RAPGEF2: variants seen among roughly 807,000 people sequenced by gnomAD.
RAPGEF2 encodes the protein PDZ domain containing guanine nucleotide exchange factor (GEF) 1.
In RAPGEF2, 54 loss-of-function variants were observed where a neutral mutation model predicts 186.7. The ratio of observed to expected loss-of-function variants is 0.29; its 90% CI spans 0.23 to 0.36. The LOEUF is 0.36. Ranked by LOEUF, RAPGEF2 falls within the 10% of genes least tolerant of loss-of-function variation. The pLI is 1.00. For missense variants in RAPGEF2, 1,532 were observed against 2,045.0 expected (o/e 0.75, Z 4.84); for synonymous variants, 712 against 705.9 (o/e 1.01, Z -0.14).
At chr4:159,202,184 T>A (rs1749493843) in intron 3 of RAPGEF2, among the ~76,000 whole-genome samples, 1 of 152,174 alleles carries the variant, frequency 6.6e-6, no homozygotes, top group African/African-American at 2.4e-5. Context: ...TCTGTTTTAA[T>A]GACCTTGTTA....
At chr4:159,330,271 G>GTA in intron 12 of RAPGEF2, 63 bp from the exon 13 acceptor site, 1 of 745,582 alleles carries the variant, frequency 1.3e-6, no homozygotes, top group South Asian at 1.8e-5. Flanking sequence ...GTATATGTGT[G>GTA]TGTGTGTGTG....
At position 159,314,685 on chromosome 4, in the gene RAPGEF2, G is replaced by A; in HGVS notation, c.770G>A (p.Arg257Lys). 6.2e-7 allele frequency: 1 copy of A among 1,614,062 alleles called. No homozygotes were observed. The highest frequency in any genetic ancestry group is 1.1e-5 in the South Asian group (1 of 91,078). The change falls in exon 9 of 30, where the codon AGA (arginine) becomes AAA (lysine). Residue 257 changes from arginine to lysine, a missense_variant. Coordinates refer to ENST00000691494, the MANE Select transcript of RAPGEF2 (RefSeq NM_001394067.2). ...EDDDDEEDIE[R>K]ASDPLMSRDI... ...GACGACGATGAAGAAGACATTGAGA[G>A]AGCATCAGATCCTCTGATGAGCAGG...
At chr4:159,318,647 T>G (rs1764884746) in intron 9 of RAPGEF2, among the ~76,000 whole-genome samples, 1 of 152,214 alleles carries the variant, frequency 6.6e-6, no homozygotes, top group Non-Finnish European at 1.5e-5. Flanking sequence ...CTCATAACTT[T>G]GTAGGTACTC....
intron 29 of RAPGEF2, among the ~76,000 whole-genome samples, chr4:159,357,334 C>T (rs984324478): frequency 6.6e-6 from 1 of 152,078 alleles, no homozygotes; most frequent in Non-Finnish European, 1.5e-5. Flanking sequence ...GCACCGTAGC[C>T]TAGGTAGCAG....
chr4:159,315,477 A>G (rs752661625), intron 9 of RAPGEF2, among the ~76,000 whole-genome samples: 1 of 152,130 alleles, frequency 6.6e-6, no homozygotes, highest in African/African-American at 2.4e-5. Context: ...TGCAGAGACG[A>G]GAGAGTGTAG....
In RAPGEF2 at chr4:159,238,831, A is replaced by G; in HGVS notation, c.304A>G (p.Ser102Gly). The G allele has an allele frequency of 6.6e-7, 1 of 1,524,640 alleles. No individual in the cohort carries two copies. Among genetic ancestry groups the G allele is most frequent in the Non-Finnish European group, 8.7e-7 (1 of 1,143,522 alleles). 94.4% of individuals were successfully genotyped at this position (1,524,640 alleles called of 1,614,324 possible). ...TAGTTTTGGCAAGCGTTCTGCAGGA[A>G]GTTTTAGGCGTGGCTGTGAATGCAT... ...RSSFGKRSAG[S>G]FRRGCECIVL... The change falls in exon 5 of 30, where the codon AGT becomes GGT. Residue 102 changes from serine (S) to glycine (G), a missense_variant. Physicochemically the swap from Ser to Gly is moderately conservative, Grantham distance 56. This residue lies in a region of RAPGEF2 where 810 missense variants were observed against 1,210.5 expected (regional missense o/e 0.67). Coordinates refer to ENST00000691494, the MANE Select transcript of RAPGEF2 (RefSeq NM_001394067.2).
At chr4:159,345,597 C>A (rs1264169973) in intron 24 of RAPGEF2, among the ~76,000 whole-genome samples, 2 of 152,182 alleles carry the variant, frequency 1.3e-5, no homozygotes, top group Non-Finnish European at 2.9e-5. Context: ...TGGACACAAC[C>A]AGTACACATG....
At chr4:159,267,335 G>T in intron 7 of RAPGEF2, 1 of 1,288,386 alleles carries the variant, frequency 7.8e-7, no homozygotes, top group Non-Finnish European at 1.0e-6. Flanking sequence ...TAATTATATT[G>T]GTGTATTGCA....
chr4:159,194,713 C>G (rs769565613), intron 3 of RAPGEF2, among the ~76,000 whole-genome samples: 2 of 151,786 alleles, frequency 1.3e-5, no homozygotes, highest in Non-Finnish European at 2.9e-5. Context: ...TTATTTGAAT[C>G]AAAATCTAAA....
intron 7 of RAPGEF2, among the ~76,000 whole-genome samples, chr4:159,246,295 A>G (rs1754624806): frequency 6.6e-6 from 1 of 152,166 alleles, no homozygotes; most frequent in Non-Finnish European, 1.5e-5. Context: ...TGTAAATTGA[A>G]TGCCATATAA....
At chr4:159,330,301 A>G (rs370631228) in intron 12 of RAPGEF2, 33 bp from the exon 13 acceptor site, 9,580 of 767,786 alleles carry the variant, frequency 0.012, 13 homozygotes, top group African/African-American at 0.019. Flanking sequence ...GTGTGTATAT[A>G]TATGTAGTAA....
intron 4 of RAPGEF2, among the ~76,000 whole-genome samples, chr4:159,221,678 G>A (rs1305795726): frequency 6.6e-6 from 1 of 152,156 alleles, no homozygotes; most frequent in African/African-American, 2.4e-5. Flanking sequence ...TGCATTAATT[G>A]CCTATGCTTA....
chr4:159,132,288 C>T (rs1741198667), intron 1 of RAPGEF2, among the ~76,000 whole-genome samples: 1 of 152,226 alleles, frequency 6.6e-6, no homozygotes, highest in Non-Finnish European at 1.5e-5. Flanking sequence ...AGTTACTTTG[C>T]TAGATTTTGG....
Position 159,350,127 on chromosome 4 carries a change from T to C in RAPGEF2, c.3713-10T>C, listed in dbSNP as rs63581664. The C allele has an allele frequency of 1.0e-4, 148 of 1,447,906 alleles. 1 individual carries two copies. In the Middle Eastern group the frequency reaches 4.0e-3, roughly 39 times the overall value. The allele number at this position is 1,447,906 out of a possible 1,614,324, so 89.7% of individuals were successfully genotyped here. ...AATACATATTTAAGGTTTTTTTTTT[T>C]CCATTATAGGCATAAACTCTCCACA... is the stretch of plus-strand genomic sequence containing the variant. On this transcript the variant is annotated splice_polypyrimidine_tract_variant and intron_variant, in intron 25 of 29. Coordinates refer to ENST00000691494, the MANE Select transcript of RAPGEF2 (RefSeq NM_001394067.2).
chr4:159,245,695 C>G (rs761249586), intron 7 of RAPGEF2, among the ~76,000 whole-genome samples: 1 of 151,978 alleles, frequency 6.6e-6, no homozygotes, highest in African/African-American at 2.4e-5. Flanking sequence ...TTAACTTTTA[C>G]CTTATTGGAG....
intron 7 of RAPGEF2, among the ~76,000 whole-genome samples, chr4:159,286,476 T>C (rs1016210221): frequency 2.0e-5 from 3 of 152,184 alleles, no homozygotes; most frequent in Admixed American, 6.6e-5. Flanking sequence ...ATCAGACTTA[T>C]AAAATGTAGA....
Position 159,334,124 on chromosome 4 carries a change from A to G in RAPGEF2, c.2135+1427A>G, listed in dbSNP as rs1767071009. ...AGAGGATATATTGAGTAAGTTTCTA[A>G]GAGACAATGGATTAGGGCACCTGGC... On this transcript the variant is annotated intron_variant, in intron 17 of 29. Transcript: ENST00000691494. Among the ~76,000 whole-genome samples the G allele has an allele frequency of 2.0e-5, 3 of 152,264 alleles. No homozygotes were observed. In the South Asian group the frequency reaches 6.2e-4, roughly 31 times the overall value.
In RAPGEF2 at chr4:159,345,772, CAGTT is replaced by C. The variant is rs1025197012; in HGVS notation, c.3502+450_3502+453del. ...AACACCGAACAACAAATTCAGCTAC[CAGTT>C]AGTTAGAGCAATGATTCTGCTCCAC... On this transcript the variant is annotated intron_variant, in intron 24 of 29. Coordinates refer to ENST00000691494, the MANE Select transcript of RAPGEF2 (RefSeq NM_001394067.2). Among the ~76,000 whole-genome samples the C allele has an allele frequency of 5.3e-5, 8 of 152,210 alleles. No individual in the cohort carries two copies. The South Asian group carries it at 6.2e-4, about 12-fold the overall frequency.
chr4:159,134,871 C>T (rs1741547275), intron 1 of RAPGEF2, among the ~76,000 whole-genome samples: 1 of 152,122 alleles, frequency 6.6e-6, no homozygotes, highest in Non-Finnish European at 1.5e-5. Flanking sequence ...ATCCTCTATC[C>T]CTTCTGTCCT....
Sources: allele counts gnomAD v4.1 joint callset (sites outside exome capture counted in the v4.1 genomes callset), GRCh38; gene constraint gnomAD v4.1.1; regional missense constraint gnomAD v4.1.1; transcripts MANE v1.5; gene names NCBI Gene and HGNC (gene_info 2026-07-23, HGNC 2026-07-21).